Variants in STS observed in about 807,000 individuals in gnomAD.
The protein encoded by STS is steryl-sulfatase.
A neutral mutation model predicts 26.8 loss-of-function variants in STS; 7 were observed. The observed-to-expected ratio is 0.26, with a 90% CI of 0.15 to 0.49. The LOEUF (loss-of-function observed/expected upper bound fraction) is 0.49, where lower values mean the gene tolerates loss of function less well. Among genes scored for constraint, STS ranks in the 20% least tolerant of loss-of-function variants. The pLI, the probability that STS is intolerant of heterozygous loss-of-function variation, is 0.98. For synonymous variants in STS, 199 were observed against 189.4 expected, an observed-to-expected ratio of 1.05 and a Z score of -0.42; for missense variants, 434 against 465.6, an observed-to-expected ratio of 0.93 and a Z score of 0.63.
At chrX:7,240,384 A>G (rs189451533) in intron 2 of STS, among the ~76,000 whole-genome samples, 125 of 105,321 alleles carry the variant, frequency 1.2e-3, no homozygotes, top group African/African-American at 4.2e-3. Context: ...TTCAATTTCA[A>G]TAAAATGGTC....
intron 1 of STS, among the ~76,000 whole-genome samples, chrX:7,168,086 T>G (rs1368522489): frequency 1.8e-5 from 2 of 111,047 alleles, no homozygotes; most frequent in Non-Finnish European, 3.8e-5. Context: ...CTTTATTGAT[T>G]AGAAGCAAGT....
chrX:7,224,687 T>G (rs1921724939), intron 2 of STS, among the ~76,000 whole-genome samples: 1 of 111,702 alleles, frequency 9.0e-6, no homozygotes, highest in Non-Finnish European at 1.9e-5. Flanking sequence ...GACAATAAAT[T>G]TCTGTTGCTT....
At chrX:7,152,107 T>C (rs1217841898) in intron 1 of STS, among the ~76,000 whole-genome samples, 6 of 108,755 alleles carry the variant, frequency 5.5e-5, no homozygotes, top group South Asian at 8.3e-4. Context: ...CACCCGCCAC[T>C]ATGCCTGGCT....
intron 10 of STS, among the ~76,000 whole-genome samples, chrX:7,348,300 T>G (rs1928616974): frequency 8.9e-6 from 1 of 112,012 alleles, no homozygotes; most frequent in Admixed American, 9.4e-5. Context: ...CCGATTGCAT[T>G]AATCAGTTTT....
chrX:7,301,738 G>A (rs189356111), intron 7 of STS, among the ~76,000 whole-genome samples: 3 of 111,523 alleles, frequency 2.7e-5, no homozygotes, highest in African/African-American at 6.5e-5. Context: ...CCAAGCCCAC[G>A]GTAATGACTG....
chrX:7,222,551 AGAT>A (rs1402393227), intron 2 of STS, among the ~76,000 whole-genome samples: 52 of 108,418 alleles, frequency 4.8e-4, no homozygotes, highest in African/African-American at 1.7e-3. Context: ...AAAAAAAAAA[AGAT>A]GTTTTCAGTC....
At chrX:7,330,098 G>C (rs924833819) in intron 9 of STS, among the ~76,000 whole-genome samples, 10 of 111,124 alleles carry the variant, frequency 9.0e-5, no homozygotes, top group African/African-American at 2.9e-4. Context: ...CATCACCCTG[G>C]GCATATTCAG....
At chrX:7,196,593 A>C (rs1369294916) in intron 2 of STS, among the ~76,000 whole-genome samples, 1 of 111,926 alleles carries the variant, frequency 8.9e-6, no homozygotes, top group Non-Finnish European at 1.9e-5. Context: ...CATGGGATCC[A>C]CACCACCACC....
chrX:7,164,664 C>T (rs1342942773), intron 1 of STS, among the ~76,000 whole-genome samples: 1 of 109,576 alleles, frequency 9.1e-6, no homozygotes, highest in Non-Finnish European at 1.9e-5. Context: ...GCTATTAAAC[C>T]AAAAGACACT....
chrX:7,180,610 C>T (rs1479392414), intron 1 of STS, among the ~76,000 whole-genome samples: 1 of 111,920 alleles, frequency 8.9e-6, no homozygotes, highest in Non-Finnish European at 1.9e-5. Context: ...TTGACTCTCA[C>T]ATTCTCCAAA....
intron 8 of STS, among the ~76,000 whole-genome samples, chrX:7,322,592 G>T (rs1435136311): frequency 6.3e-5 from 7 of 111,846 alleles, no homozygotes; most frequent in Non-Finnish European, 1.9e-5. Flanking sequence ...GTAGAGACAT[G>T]ATTTCACCAT....
At chrX:7,269,758 G>C (rs2147100315) in intron 6 of STS, among the ~76,000 whole-genome samples, 1 of 111,438 alleles carries the variant, frequency 9.0e-6, no homozygotes, top group African/African-American at 3.3e-5. Context: ...CTTTGTGGGG[G>C]TTGGGGGTGG....
At chrX:7,246,750 T>C (rs1319260663) in intron 2 of STS, among the ~76,000 whole-genome samples, 2 of 112,216 alleles carry the variant, frequency 1.8e-5, no homozygotes, top group Non-Finnish European at 1.9e-5. Context: ...AATGATCCAT[T>C]AGTTACACTC....
intron 1 of STS, among the ~76,000 whole-genome samples, chrX:7,173,199 C>G (rs775139456): frequency 3.6e-5 from 4 of 111,488 alleles, no homozygotes; most frequent in Non-Finnish European, 5.6e-5. Context: ...GTTTGGTTTT[C>G]TGTTCCTGCA....
In STS at chrX:7,204,489, C is replaced by G. The variant is rs766637559; in HGVS notation, c.-5+13481C>G. On this transcript the variant is annotated intron_variant, in intron 2 of 10. Transcript: ENST00000674429. ...TTCCCCTTCTTTCCTTCCTCCCTCC[C>G]TTCCTTCCTCCCTCCCTCCTTTCCT... 2.9e-5 allele frequency among the ~76,000 whole-genome samples: 3 copies of G among 103,491 alleles called. No homozygotes were observed. In the East Asian group the frequency reaches 9.4e-4, roughly 32 times the overall value. 89.9% of individuals were successfully genotyped at this position (103,491 alleles called of 115,157 possible). A position where few individuals can be genotyped will look rare whatever the true frequency, so the allele number is the denominator to read the frequency against.
chrX:7,228,094 T>C (rs1569195263), intron 2 of STS, among the ~76,000 whole-genome samples: 1 of 111,592 alleles, frequency 9.0e-6, no homozygotes, highest in East Asian at 2.8e-4. Flanking sequence ...GTATAGACCA[T>C]GTTTTTTTTT....
At chrX:7,323,828 A>G (rs2147162110) in intron 8 of STS, among the ~76,000 whole-genome samples, 1 of 111,620 alleles carries the variant, frequency 9.0e-6, no homozygotes, top group African/African-American at 3.3e-5. Flanking sequence ...TCCAACTTCT[A>G]GAGCCTGCCT....
chrX:7,151,798 G>T (rs1418383402), intron 1 of STS, among the ~76,000 whole-genome samples: 1 of 111,192 alleles, frequency 9.0e-6, no homozygotes, highest in Non-Finnish European at 1.9e-5. Flanking sequence ...CACTAGAAAT[G>T]CAGAATCCCA....
chrX:7,203,271 T>C (rs1194030757), intron 2 of STS, among the ~76,000 whole-genome samples: 1 of 112,407 alleles, frequency 8.9e-6, no homozygotes, highest in African/African-American at 3.2e-5. Context: ...AAATCTGTAT[T>C]AGTTCATTTC....
Sources: allele counts gnomAD v4.1 joint callset (sites outside exome capture counted in the v4.1 genomes callset), GRCh38; gene constraint gnomAD v4.1.1; transcripts MANE v1.5; gene names NCBI Gene and HGNC (gene_info 2026-07-23, HGNC 2026-07-21).